PIWIL3: variants seen among roughly 807,000 people sequenced by gnomAD.
The protein encoded by PIWIL3 is piwi-like protein 3.
A neutral mutation model predicts 109.7 loss-of-function variants in PIWIL3; 101 were observed. The ratio of observed to expected loss-of-function variants is 0.92; its 90% confidence interval spans 0.78 to 1.09. The LOEUF (loss-of-function observed/expected upper bound fraction) is 1.09. Among genes scored for constraint, PIWIL3 ranks in the 50% least tolerant of loss-of-function variants. The probability of loss-of-function intolerance (pLI) is 0.00; values close to 1 mark genes in which losing one functional copy is unlikely to be tolerated. For missense variants in PIWIL3, 1,031 were observed against 1,072.6 expected, an observed-to-expected ratio of 0.96 and a Z score of 0.54; for synonymous variants, 373 against 376.4, an observed-to-expected ratio of 0.99 and a Z score of 0.10.
intron 9 of PIWIL3, 27 bp from the exon 10 acceptor site, chr22:24,749,846 G>A: frequency 1.2e-6 from 2 of 1,613,880 alleles, no homozygotes; most frequent in South Asian, 2.2e-5. Flanking sequence ...AGACCAGCAT[G>A]ACCATCAGTG....
At position 24,723,245 on chromosome 22, in the gene PIWIL3, C is replaced by A. The variant is rs893770003; in HGVS notation, c.2242G>T (p.Ala748Ser). ...ATTCGTTTCTTCACCACAATGAAAG[C>A]TAGAGTGAAACTTAAAAAAATTAGG... ...KTISPNNFTL[A>S]FIVVKKRINT... The change falls in exon 19 of 21, where the codon GCT (alanine) becomes TCT (serine). Residue 748 changes from alanine (A) to serine (S), a missense_variant. Transcript: ENST00000616349. 5.0e-6 allele frequency: 8 copies of A among 1,610,538 alleles called. No individual in the cohort carries two copies. The highest frequency in any genetic ancestry group is 6.8e-6 in the Non-Finnish European group (8 of 1,177,928).
chr22:24,730,093 G>A (rs374711916), intron 14 of PIWIL3, among the ~76,000 whole-genome samples: 8 of 152,062 alleles, frequency 5.3e-5, no homozygotes, highest in Admixed American at 1.3e-4. Context: ...CCGGCTGGGC[G>A]CAGAGGCTTA....
intron 14 of PIWIL3, among the ~76,000 whole-genome samples, chr22:24,730,594 T>C (rs900797394): frequency 3.3e-5 from 5 of 152,092 alleles, no homozygotes; most frequent in Admixed American, 6.6e-5. Flanking sequence ...GTTTGGGTTA[T>C]CTGGATGATG....
At chr22:24,746,886 A>G (rs949857678) in intron 12 of PIWIL3, among the ~76,000 whole-genome samples, 1 of 152,124 alleles carries the variant, frequency 6.6e-6, no homozygotes, top group African/African-American at 2.4e-5. Flanking sequence ...ATGTTCATGA[A>G]TTAGAAGAAT....
At chr22:24,762,306 C>T (rs1341855010) in intron 2 of PIWIL3, 92 bp downstream of exon 2, 1 of 1,512,464 alleles carries the variant, frequency 6.6e-7, no homozygotes, top group African/African-American at 1.4e-5. Context: ...TAGCACTATA[C>T]CTGAACTAGC....
At chr22:24,759,804 C>A in intron 3 of PIWIL3, 65 bp downstream of exon 3, 1 of 1,607,720 alleles carries the variant, frequency 6.2e-7, no homozygotes, top group Admixed American at 1.7e-5. Flanking sequence ...AACCTTCTAC[C>A]GCTGTGGTAG....
In PIWIL3 at chr22:24,760,803, A is replaced by AAAAAAAAAAAT. The variant is rs1925389502; in HGVS notation, c.103-815_103-814insATTTTTTTTTT. ...CTCAAAAAAAAAAAAAAAAAAAAAAAGCTGTGACAGGATACCAGGCAGAGG... is the reference window on the plus strand; with the variant it reads ...CTCAAAAAAAAAAAAAAAAAAAAAAAAAAAAAAAAATGCTGTGACAGGATACCAGGCAGAGG... On this transcript the variant is annotated intron_variant, in intron 2 of 20. Coordinates refer to ENST00000616349, the MANE Select transcript of PIWIL3 (RefSeq NM_001255975.1). Among the ~76,000 whole-genome samples, 6 of 146,868 alleles carry AAAAAAAAAAAT rather than the reference A, an allele frequency of 4.1e-5. No homozygotes were observed. In the South Asian group the frequency reaches 1.1e-3, roughly 28 times the overall value.
At chr22:24,764,806 A>G (rs369868284) in intron 1 of PIWIL3, among the ~76,000 whole-genome samples, 3 of 152,294 alleles carry the variant, frequency 2.0e-5, no homozygotes, top group East Asian at 3.9e-4. Flanking sequence ...AACAAAACCC[A>G]GCGGGAAAAG....
intron 19 of PIWIL3, among the ~76,000 whole-genome samples, chr22:24,721,802 C>T (rs186130189): frequency 6.6e-6 from 1 of 152,204 alleles, no homozygotes; most frequent in East Asian, 1.9e-4. Context: ...ATGTCTCTAA[C>T]CATTTCATCT....
At chr22:24,745,368 G>A (rs1924290763) in intron 12 of PIWIL3, among the ~76,000 whole-genome samples, 1 of 152,048 alleles carries the variant, frequency 6.6e-6, no homozygotes, top group South Asian at 2.1e-4. Context: ...AGGCCGAGAT[G>A]GGCAGATCAC....
chr22:24,736,852 G>A (rs1433518100), intron 12 of PIWIL3, among the ~76,000 whole-genome samples: 1 of 152,234 alleles, frequency 6.6e-6, no homozygotes, highest in African/African-American at 2.4e-5. Context: ...GTCCTCAGCT[G>A]ATGGCCACCC....
intron 14 of PIWIL3, among the ~76,000 whole-genome samples, 192 bp from the exon 15 acceptor site, chr22:24,728,566 T>C (rs547150818): frequency 2.6e-5 from 4 of 152,342 alleles, no homozygotes; most frequent in African/African-American, 9.6e-5. Flanking sequence ...TATCAACTTA[T>C]ATGTATTTAT....
chr22:24,764,085 G>GTGTATT (rs1925633793), intron 1 of PIWIL3, among the ~76,000 whole-genome samples: 1 of 152,190 alleles, frequency 6.6e-6, no homozygotes, highest in Non-Finnish European at 1.5e-5. Context: ...ACACGGACCA[G>GTGTATT]CCCAGCCTCC....
At chr22:24,757,198 C>T (rs1321720456) in intron 4 of PIWIL3, among the ~76,000 whole-genome samples, 2 of 152,028 alleles carry the variant, frequency 1.3e-5, no homozygotes, top group Non-Finnish European at 2.9e-5. Context: ...TCAATGAGCC[C>T]TTATGCAAGC....
intron 14 of PIWIL3, 101 bp from the exon 15 acceptor site, chr22:24,728,475 C>A: frequency 7.3e-7 from 1 of 1,374,780 alleles, no homozygotes; most frequent in Non-Finnish European, 1.0e-6. Context: ...GACTAACAAG[C>A]TAGAGTCAAT....
chr22:24,747,376 T>G (rs901393968), intron 12 of PIWIL3, among the ~76,000 whole-genome samples: 3 of 151,996 alleles, frequency 2.0e-5, no homozygotes, highest in African/African-American at 7.3e-5. Flanking sequence ...TTGGGGAAAC[T>G]CTCCAGGACA....
intron 1 of PIWIL3, among the ~76,000 whole-genome samples, chr22:24,764,625 C>CGTTTGTGTGTGTGTGTGTGT (rs1925674955): frequency 7.4e-6 from 1 of 134,622 alleles, no homozygotes; most frequent in East Asian, 2.3e-4. Context: ...TTGACCTTGC[C>CGTTTGTGTGTGTGTGTGTGT]GTGTGTGTGT....
In PIWIL3 at chr22:24,757,359, C is replaced by T. The variant is rs1047163431; in HGVS notation, c.355+549G>A. Among the ~76,000 whole-genome samples the T allele has an allele frequency of 1.4e-4, 22 of 152,146 alleles. 1 individual carries two copies. Among genetic ancestry groups the T allele is most frequent in the Non-Finnish European group, 1.5e-5 (1 of 68,026 alleles). ...GGGCACAGTGGCTCACACCTATAAT[C>T]CCAGCCCTTTGGGAGGCCCAGGTGG... is the stretch of plus-strand genomic sequence containing the variant. On this transcript the variant is annotated intron_variant, in intron 4 of 20. Transcript: ENST00000616349.
At chr22:24,740,936 A>C (rs575199638) in intron 12 of PIWIL3, among the ~76,000 whole-genome samples, 2 of 152,318 alleles carry the variant, frequency 1.3e-5, no homozygotes, top group South Asian at 4.1e-4. Context: ...CTAATACCAA[A>C]ACCAAGAAAG....
Sources: allele counts gnomAD v4.1 joint callset (sites outside exome capture counted in the v4.1 genomes callset), GRCh38; gene constraint gnomAD v4.1.1; transcripts MANE v1.5; gene names NCBI Gene and HGNC (gene_info 2026-07-23, HGNC 2026-07-21).